The following MPP4 variants were observed in gnomAD, a reference collection of about 807,000 sequenced individuals.
The protein encoded by MPP4 is MAGUK p55 subfamily member 4.
Under a neutral mutation model 98.3 loss-of-function variants are expected in MPP4, and 91 were observed. The observed-to-expected ratio is 0.93, with a 90% CI of 0.78 to 1.10. The LOEUF (loss-of-function observed/expected upper bound fraction) is 1.10. Ranked by LOEUF, MPP4 falls within the 50% of genes least tolerant of loss-of-function variation. The probability of loss-of-function intolerance (pLI) is 0.00; values close to 1 mark genes in which losing one functional copy is unlikely to be tolerated. For synonymous variants in MPP4, 261 were observed against 271.8 expected (o/e 0.96, Z 0.39); for missense variants, 744 against 792.9 (o/e 0.94, Z 0.74).
At chr2:201,657,972 T>A (rs1467474699) in intron 16 of MPP4, among the ~76,000 whole-genome samples, 3 of 151,358 alleles carry the variant, frequency 2.0e-5, no homozygotes, top group Non-Finnish European at 4.4e-5. Context: ...TTTTTTTGTT[T>A]TTTTTTTTTC....
chr2:201,691,017 C>CT (rs766186885), intron 3 of MPP4, among the ~76,000 whole-genome samples: 3 of 152,188 alleles, frequency 2.0e-5, no homozygotes, highest in Non-Finnish European at 4.4e-5. Context: ...AGCCCCCAGT[C>CT]TTTTCTATCC....
intron 11 of MPP4, among the ~76,000 whole-genome samples, chr2:201,672,270 A>C (rs903645120): frequency 6.6e-6 from 1 of 152,246 alleles, no homozygotes; most frequent in Admixed American, 6.5e-5. Context: ...AATTTAGAGC[A>C]CTAAATGCCC....
At position 201,674,301 on chromosome 2, in the gene MPP4, C is replaced by T. The variant is rs527943954; in HGVS notation, c.994+906G>A. On this transcript the variant is annotated intron_variant, in intron 11 of 21. Coordinates refer to ENST00000409474, the MANE Select transcript of MPP4 (RefSeq NM_033066.3). ...CTTGGGGAGGGATGTCTTCAGGTGTCACCAAGATAAGAACATATGCATTTT... is the reference window on the plus strand; with the variant it reads ...CTTGGGGAGGGATGTCTTCAGGTGTTACCAAGATAAGAACATATGCATTTT... Among the ~76,000 whole-genome samples the T allele has an allele frequency of 1.4e-4, 22 of 152,306 alleles. No individual in the cohort carries two copies. The South Asian group carries it at 4.6e-3, about 32-fold the overall frequency.
chr2:201,698,564 G>T (rs1254110213), intron 1 of MPP4, 23 bp downstream of exon 1: 1 of 1,302,452 alleles, frequency 7.7e-7, no homozygotes, highest in Admixed American at 2.3e-5. Flanking sequence ...GGTAACTGAG[G>T]ATTATTTGCC....
Position 201,685,098 on chromosome 2 carries a change from G to C in MPP4, c.540C>G (p.Ala180=). 1 of 1,612,212 alleles carries C rather than the reference G, an allele frequency of 6.2e-7. No individual in the cohort carries two copies. Among genetic ancestry groups the C allele is most frequent in the Non-Finnish European group, 8.5e-7 (1 of 1,179,388 alleles). ...RHEMTGDILV[A]RIIHGGLAER... Reference sequence around the variant, plus strand: ...CCGCCAGCCCACCGTGGATGATCCTGGCCACCAAGATGTCCCCTGTCATCT... The same window carrying C: ...CCGCCAGCCCACCGTGGATGATCCTCGCCACCAAGATGTCCCCTGTCATCT... Residue 180 remains alanine, a synonymous_variant, in exon 7 of 22, where the codon GCC becomes GCG. Transcript: ENST00000409474.
Position 201,681,041 on chromosome 2 carries a change from G to A in MPP4, c.733-7C>T. On this transcript the variant is annotated splice_region_variant and splice_polypyrimidine_tract_variant and intron_variant, in intron 9 of 21. Coordinates refer to ENST00000409474, the MANE Select transcript of MPP4 (RefSeq NM_033066.3). ...TCATGGCACGGACGTACACCTGATG[G>A]CAGGTGCATAATGACGCTATCAGAA... The A allele has an allele frequency of 1.2e-6, 2 of 1,605,828 alleles. No homozygotes were observed. The highest frequency in any genetic ancestry group is 1.1e-5 in the South Asian group (1 of 90,824).
intron 20 of MPP4, among the ~76,000 whole-genome samples, chr2:201,649,004 C>T (rs1428587903): frequency 1.3e-5 from 2 of 152,150 alleles, no homozygotes; most frequent in Non-Finnish European, 2.9e-5. Flanking sequence ...GCGGAGGTTG[C>T]AGTGAGCGGA....
At chr2:201,674,079 T>A (rs1369159707) in intron 11 of MPP4, among the ~76,000 whole-genome samples, 1 of 152,218 alleles carries the variant, frequency 6.6e-6, no homozygotes, top group African/African-American at 2.4e-5. Flanking sequence ...TCAAACTGCA[T>A]TCATTAAGTA....
At chr2:201,646,738 G>C (rs973911936) in intron 21 of MPP4, 1 of 152,180 alleles carries the variant, frequency 6.6e-6, no homozygotes, top group Non-Finnish European at 1.5e-5. Context: ...GTAGCACACA[G>C]ACTAAAACTG....
chr2:201,660,417 A>C (rs1480844357), intron 14 of MPP4, 71 bp from the exon 15 acceptor site: 27 of 1,528,982 alleles, frequency 1.8e-5, no homozygotes, highest in Non-Finnish European at 2.3e-5. Flanking sequence ...GTTAGCCATC[A>C]AATCAAGGCA....
intron 20 of MPP4, 127 bp downstream of exon 20, chr2:201,649,449 G>T: frequency 1.5e-6 from 1 of 654,142 alleles, no homozygotes; most frequent in Non-Finnish European, 2.7e-6. Context: ...TCTTATATAT[G>T]GGAAATGGCC....
intron 9 of MPP4, 45 bp downstream of exon 9, chr2:201,681,451 T>G (rs763633143): frequency 2.8e-6 from 4 of 1,450,698 alleles, no homozygotes; most frequent in South Asian, 1.1e-5. Flanking sequence ...TGCTGTTACT[T>G]GGGGATTTAC....
chr2:201,650,640 A>G (rs901395243), intron 18 of MPP4: 1 of 985,268 alleles, frequency 1.0e-6, no homozygotes, highest in African/African-American at 1.7e-5. Context: ...GCTCACATTC[A>G]TAAGACTGAT....
chr2:201,661,307 ATACTT>A (rs889319451), intron 14 of MPP4: 16 of 415,870 alleles, frequency 3.8e-5, no homozygotes, highest in Admixed American at 2.2e-4. Flanking sequence ...AAGTCATACT[ATACTT>A]TATTCAGACT....
intron 13 of MPP4, chr2:201,666,095 A>G (rs1355561247): frequency 2.7e-6 from 1 of 372,532 alleles, no homozygotes; most frequent in East Asian, 4.3e-5. Flanking sequence ...TCTTGAGATC[A>G]TTTACAAAGC....
rs1453439457 is a variant in MPP4 at position 201,663,069 on chromosome 2, CA to C, written c.1072+1011del. On this transcript the variant is annotated intron_variant, in intron 14 of 21. Transcript: ENST00000409474. ...TTATTTACTAGCAATATCGAATAAA[CA>C]GGATACGTGGAATAAATCATTCAAT... 5.3e-5 allele frequency among the ~76,000 whole-genome samples: 8 copies of C among 152,270 alleles called. No homozygotes were observed. In the East Asian group the frequency reaches 1.5e-3, roughly 29 times the overall value.
At chr2:201,650,651 G>T (rs994448632) in intron 18 of MPP4, 3 of 985,216 alleles carry the variant, frequency 3.0e-6, no homozygotes, top group African/African-American at 3.5e-5. Flanking sequence ...TAAGACTGAT[G>T]AAAAGCGAAG....
chr2:201,669,680 A>C (rs1688286104), intron 12 of MPP4, 53 bp downstream of exon 12: 2 of 1,301,576 alleles, frequency 1.5e-6, no homozygotes, highest in South Asian at 2.0e-5. Flanking sequence ...AACTACAAGA[A>C]ATTTCTAAAA....
chr2:201,674,206 A>T (rs1348948291), intron 11 of MPP4, among the ~76,000 whole-genome samples: 1 of 152,268 alleles, frequency 6.6e-6, no homozygotes, highest in Non-Finnish European at 1.5e-5. Context: ...GTATATGTGT[A>T]GTTATGCAGC....
Sources: gnomAD v4.1 joint callset for allele counts (sites outside exome capture counted in the v4.1 genomes callset) on GRCh38, gnomAD v4.1.1 for gene constraint, MANE v1.5 for transcripts, NCBI Gene and HGNC (gene_info 2026-07-23, HGNC 2026-07-21) for gene names.